MAGI2: variants seen among roughly 807,000 people sequenced by gnomAD.
MAGI2 encodes membrane-associated guanylate kinase, WW and PDZ domain-containing protein 2.
Under a neutral mutation model 133.3 loss-of-function variants are expected in MAGI2, and 35 were observed. That is an observed-to-expected ratio of 0.26 (90% CI 0.20 to 0.35). The LOEUF is 0.35. MAGI2 is among the 10% of genes least tolerant of loss of function. The probability of loss-of-function intolerance (pLI) is 1.00; values close to 1 mark genes in which losing one functional copy is unlikely to be tolerated. For synonymous variants in MAGI2, 729 were observed against 710.6 expected (o/e 1.03, Z -0.41); for missense variants, 1,636 against 1,863.4 (o/e 0.88, Z 2.25).
intron 2 of MAGI2, among the ~76,000 whole-genome samples, chr7:78,862,886 A>G (rs1441754600): frequency 6.6e-6 from 1 of 152,244 alleles, no homozygotes; most frequent in Non-Finnish European, 1.5e-5. Flanking sequence ...AGTTATTTTA[A>G]TATGTTAAAG....
chr7:79,230,228 T>C (rs1287407909), intron 1 of MAGI2, among the ~76,000 whole-genome samples: 1 of 149,468 alleles, frequency 6.7e-6, no homozygotes, highest in African/African-American at 2.4e-5. Flanking sequence ...TCTTTGCTAT[T>C]GTGAATAATG....
rs35069216 is a variant in MAGI2, at chr7:78,564,783, CTTTTTTTTTTTTT to C, written c.539-43151_539-43139del. On this transcript the variant is annotated intron_variant, in intron 3 of 21. Coordinates refer to ENST00000354212, the MANE Select transcript of MAGI2 (RefSeq NM_012301.4). Reference sequence around the variant, plus strand: ...TACTTCATCTCATCTCTTTGACATTCTTTTTTTTTTTTTTTTTTTTTTTTTTTTGAGACGGAGT... The same window carrying C: ...TACTTCATCTCATCTCTTTGACATTCTTTTTTTTTTTTTTTGAGACGGAGT... 2.5e-4 allele frequency among the ~76,000 whole-genome samples: 16 copies of C among 64,362 alleles called. No individual in the cohort carries two copies. In the East Asian group the frequency reaches 4.4e-3, roughly 18 times the overall value. 42.2% of individuals were successfully genotyped at this position (64,362 alleles called of 152,430 possible).
intron 21 of MAGI2, among the ~76,000 whole-genome samples, chr7:78,033,903 C>T (rs983102549): frequency 6.6e-6 from 1 of 152,176 alleles, no homozygotes; most frequent in Non-Finnish European, 1.5e-5. Flanking sequence ...ACCCTGTAGA[C>T]AATGGGCTGC....
At chr7:78,748,069 G>A (rs771764231) in intron 2 of MAGI2, among the ~76,000 whole-genome samples, 2 of 151,768 alleles carry the variant, frequency 1.3e-5, no homozygotes, top group African/African-American at 4.8e-5. Flanking sequence ...CTTTTAACCA[G>A]CTTCACAAAA....
At chr7:79,222,401 G>C (rs1256559831) in intron 1 of MAGI2, among the ~76,000 whole-genome samples, 2 of 152,002 alleles carry the variant, frequency 1.3e-5, no homozygotes, top group Non-Finnish European at 2.9e-5. Context: ...TGAAAATAGA[G>C]AATTATTGAA....
rs1370966673 is a variant in MAGI2, at chr7:79,379,470, T to C, written c.301+73550A>G. On this transcript the variant is annotated intron_variant, in intron 1 of 21. Coordinates refer to ENST00000354212, the MANE Select transcript of MAGI2 (RefSeq NM_012301.4). ...AGCATGATTTATAATCCTTTGGGTA[T>C]ATACCCAGTAATAGGATGCCTGGGT... 2.0e-5 allele frequency among the ~76,000 whole-genome samples: 3 copies of C among 152,014 alleles called. No homozygotes were observed. The East Asian group carries it at 5.8e-4, about 30-fold the overall frequency.
intron 1 of MAGI2, among the ~76,000 whole-genome samples, chr7:79,115,407 T>A (rs754998352): frequency 6.6e-6 from 1 of 152,212 alleles, no homozygotes; most frequent in Non-Finnish European, 1.5e-5. Context: ...GAAGGTGCTC[T>A]GTTCTTTAGT....
intron 3 of MAGI2, among the ~76,000 whole-genome samples, chr7:78,570,908 T>A (rs555995873): frequency 1.3e-5 from 2 of 152,170 alleles, no homozygotes; most frequent in Non-Finnish European, 2.9e-5. Context: ...ACATTGCAAG[T>A]CTAGCTGTAA....
intron 1 of MAGI2, among the ~76,000 whole-genome samples, chr7:79,440,745 G>T (rs1335651032): frequency 6.6e-6 from 1 of 152,102 alleles, no homozygotes; most frequent in African/African-American, 2.4e-5. Context: ...AATGTAAATG[G>T]CTTAAATATC....
intron 1 of MAGI2, among the ~76,000 whole-genome samples, chr7:79,038,693 G>A (rs530577634): frequency 1.3e-5 from 2 of 152,174 alleles, no homozygotes; most frequent in Admixed American, 1.3e-4. Flanking sequence ...ACTGTGTATG[G>A]AATATAATTT....
chr7:79,065,280 A>G (rs912826981), intron 1 of MAGI2, among the ~76,000 whole-genome samples: 53 of 152,250 alleles, frequency 3.5e-4, no homozygotes, highest in African/African-American at 1.2e-3. Context: ...AGACTGTAAT[A>G]GAATATATAA....
intron 1 of MAGI2, among the ~76,000 whole-genome samples, chr7:79,260,314 C>G (rs1352303161): frequency 2.6e-5 from 4 of 152,086 alleles, no homozygotes; most frequent in Non-Finnish European, 4.4e-5. Flanking sequence ...TGAGATCGTG[C>G]CACTGCACTC....
chr7:78,506,677 A>T (rs978094087), intron 4 of MAGI2, among the ~76,000 whole-genome samples: 14 of 152,364 alleles, frequency 9.2e-5, no homozygotes, highest in African/African-American at 3.4e-4. Flanking sequence ...CCAGCAAGAC[A>T]AGGACATAAA....
At chr7:79,154,282 A>C (rs1290498563) in intron 1 of MAGI2, among the ~76,000 whole-genome samples, 1 of 152,236 alleles carries the variant, frequency 6.6e-6, no homozygotes, top group African/African-American at 2.4e-5. Context: ...TCTTGCCTTC[A>C]GCATTTGACA....
At chr7:78,856,745 G>C (rs548843063) in intron 2 of MAGI2, among the ~76,000 whole-genome samples, 1 of 152,096 alleles carries the variant, frequency 6.6e-6, no homozygotes, top group African/African-American at 2.4e-5. Flanking sequence ...GCTCTTTTTT[G>C]GTTCCATATG....
At chr7:79,220,573 T>A (rs1830371656) in intron 1 of MAGI2, among the ~76,000 whole-genome samples, 1 of 151,856 alleles carries the variant, frequency 6.6e-6, no homozygotes, top group African/African-American at 2.4e-5. Context: ...AACCTCTTGG[T>A]TGGAAGTCAG....
intron 2 of MAGI2, among the ~76,000 whole-genome samples, chr7:78,731,433 T>A (rs1278847675): frequency 6.6e-6 from 1 of 152,080 alleles, no homozygotes; most frequent in East Asian, 1.9e-4. Context: ...AAATAAAAGG[T>A]TACATTCATT....
chr7:78,682,198 A>G (rs1349881417), intron 2 of MAGI2, among the ~76,000 whole-genome samples: 2 of 152,148 alleles, frequency 1.3e-5, no homozygotes, highest in East Asian at 3.9e-4. Flanking sequence ...ACTGTTCAAT[A>G]TTTTAGGTAC....
intron 9 of MAGI2, among the ~76,000 whole-genome samples, chr7:78,298,364 G>C (rs1194964801): frequency 6.6e-6 from 1 of 152,206 alleles, no homozygotes; most frequent in Non-Finnish European, 1.5e-5. Flanking sequence ...ATAAAGTATA[G>C]ACGTTCGTTA....
Sources: allele counts gnomAD v4.1 joint callset (sites outside exome capture counted in the v4.1 genomes callset), GRCh38; gene constraint gnomAD v4.1.1; transcripts MANE v1.5; gene names NCBI Gene and HGNC (gene_info 2026-07-23, HGNC 2026-07-21).